Variants in WDR72 observed in about 807,000 individuals in gnomAD.
WDR72 encodes WD repeat domain 72.
In WDR72, 120 loss-of-function variants were observed where a neutral mutation model predicts 124.2. The ratio of observed to expected loss-of-function variants is 0.97; its 90% CI spans 0.83 to 1.12. The LOEUF is 1.12. Ranked by LOEUF, WDR72 falls within the 50% of genes most tolerant of loss-of-function variation. WDR72 has a pLI of 0.00. For synonymous variants in WDR72, 452 were observed against 441.7 expected, an observed-to-expected ratio of 1.02 and a Z score of -0.29; for missense variants, 1,387 against 1,278.8, an observed-to-expected ratio of 1.08 and a Z score of -1.29.
At chr15:53,569,946 C>G (rs1446762705) in intron 18 of WDR72, among the ~76,000 whole-genome samples, 4 of 152,026 alleles carry the variant, frequency 2.6e-5, no homozygotes, top group African/African-American at 9.7e-5. Context: ...AACGGTGATT[C>G]ACACTTAACA....
At chr15:53,597,991 C>T (rs1040220652) in intron 17 of WDR72, among the ~76,000 whole-genome samples, 13 of 152,074 alleles carry the variant, frequency 8.5e-5, no homozygotes, top group Admixed American at 3.3e-4. Context: ...CTATGTCCTT[C>T]GAAGTACATG....
At chr15:53,566,430 T>G (rs1223958460) in intron 18 of WDR72, among the ~76,000 whole-genome samples, 1 of 151,976 alleles carries the variant, frequency 6.6e-6, no homozygotes, top group African/African-American at 2.4e-5. Flanking sequence ...ATCAGCATTA[T>G]CCGTCGAGAC....
At chr15:53,702,565 T>C (rs1400477465) in intron 11 of WDR72, among the ~76,000 whole-genome samples, 2 of 152,100 alleles carry the variant, frequency 1.3e-5, no homozygotes, top group Non-Finnish European at 2.9e-5. Context: ...GCACTACAGT[T>C]AGTTGTTCAA....
chr15:53,575,596 A>G (rs1406526772), intron 18 of WDR72, among the ~76,000 whole-genome samples: 1 of 152,136 alleles, frequency 6.6e-6, no homozygotes. Flanking sequence ...TACAGGTCAT[A>G]TATTGTAGAA....
At chr15:53,684,075 T>C (rs1334883025) in intron 13 of WDR72, 2 of 152,044 alleles carry the variant, frequency 1.3e-5, no homozygotes, top group African/African-American at 2.4e-5. Context: ...AATATGAAAA[T>C]AAGTATGAGC....
intron 13 of WDR72, among the ~76,000 whole-genome samples, chr15:53,696,887 A>G (rs1191826695): frequency 6.6e-6 from 1 of 152,250 alleles, no homozygotes; most frequent in East Asian, 1.9e-4. Context: ...TTGGGCCACC[A>G]GCCACCTTCA....
intron 18 of WDR72, among the ~76,000 whole-genome samples, chr15:53,552,956 A>G (rs1893796486): frequency 6.6e-6 from 1 of 152,126 alleles, no homozygotes; most frequent in Non-Finnish European, 1.5e-5. Context: ...AGGTGGGTTG[A>G]AAGGTTCAAA....
chr15:53,541,029 C>G (rs1893090472), intron 18 of WDR72: 1 of 157,780 alleles, frequency 6.3e-6, no homozygotes, highest in African/African-American at 2.4e-5. Flanking sequence ...GCACAGCAGT[C>G]TGAGATCAAA....
In WDR72 at chr15:53,543,446, C is replaced by T. The variant is rs543433456; in HGVS notation, c.3149-20124G>A. 3.9e-3 allele frequency among the ~76,000 whole-genome samples: 600 copies of T among 151,948 alleles called. 1 individual carries two copies. Among genetic ancestry groups the T allele is most frequent in the African/African-American group, 0.014 (568 of 41,438 alleles). On this transcript the variant is annotated intron_variant, in intron 18 of 19. Transcript: ENST00000360509. ...AAAGGAAGATGTTCTTTGAAACCAA[C>T]GAGAACAAAGACACAACATACCAGA...
At chr15:53,532,819 G>A (rs1275217754) in intron 18 of WDR72, among the ~76,000 whole-genome samples, 1 of 152,012 alleles carries the variant, frequency 6.6e-6, no homozygotes, top group South Asian at 2.1e-4. Context: ...AGTGGGTGAA[G>A]TGATGGAAAC....
chr15:53,596,396 C>T (rs1228326534), intron 18 of WDR72, among the ~76,000 whole-genome samples: 1 of 151,790 alleles, frequency 6.6e-6, no homozygotes, highest in Non-Finnish European at 1.5e-5. Context: ...ACTTGTTGGC[C>T]CTAAACCATA....
At chr15:53,611,654 G>T (rs938362058) in intron 16 of WDR72, among the ~76,000 whole-genome samples, 1 of 152,018 alleles carries the variant, frequency 6.6e-6, no homozygotes, top group Non-Finnish European at 1.5e-5. Flanking sequence ...AGGAAATGGG[G>T]TTAGGAATCA....
chr15:53,715,066 T>C (rs2017665056), intron 5 of WDR72, 127 bp downstream of exon 5: 1 of 1,036,626 alleles, frequency 9.6e-7, no homozygotes, highest in Non-Finnish European at 1.4e-6. Context: ...TACAGACATA[T>C]CCTCATTAAC....
At chr15:53,595,708 G>A (rs1018957087) in intron 18 of WDR72, among the ~76,000 whole-genome samples, 2 of 152,068 alleles carry the variant, frequency 1.3e-5, no homozygotes, top group Non-Finnish European at 2.9e-5. Flanking sequence ...TGTCAAAAAT[G>A]CAAATGTAGT....
intron 18 of WDR72, among the ~76,000 whole-genome samples, chr15:53,533,678 A>G (rs927158902): frequency 3.3e-5 from 5 of 152,120 alleles, no homozygotes; most frequent in Non-Finnish European, 7.4e-5. Context: ...AGCCTCTGAT[A>G]TCATCACTAT....
chr15:53,597,695 G>T (rs2012843654), intron 17 of WDR72, among the ~76,000 whole-genome samples: 1 of 152,060 alleles, frequency 6.6e-6, no homozygotes. Flanking sequence ...AATAAACACT[G>T]CATTTAAACT....
intron 18 of WDR72, among the ~76,000 whole-genome samples, chr15:53,529,094 C>A (rs1595732040): frequency 6.7e-6 from 1 of 148,294 alleles, no homozygotes; most frequent in East Asian, 2.0e-4. Context: ...AAGAAGGAAA[C>A]CCTGTCTGAC....
intron 18 of WDR72, among the ~76,000 whole-genome samples, chr15:53,569,194 G>C (rs1415157304): frequency 1.3e-5 from 2 of 151,938 alleles, no homozygotes; most frequent in African/African-American, 4.8e-5. Flanking sequence ...GCCTATCCCT[G>C]CCTTTATGTG....
At chr15:53,584,186 A>G (rs2012080992) in intron 18 of WDR72, among the ~76,000 whole-genome samples, 1 of 152,056 alleles carries the variant, frequency 6.6e-6, no homozygotes. Context: ...GAAAAATCGG[A>G]CCAAATATTA....
Sources: allele counts gnomAD v4.1 joint callset (sites outside exome capture counted in the v4.1 genomes callset), GRCh38; gene constraint gnomAD v4.1.1; transcripts MANE v1.5; gene names NCBI Gene and HGNC (gene_info 2026-07-23, HGNC 2026-07-21).